Variants in CFAP61 observed in about 807,000 individuals in gnomAD.
CFAP61 encodes cilia- and flagella-associated protein 61.
In CFAP61, 107 loss-of-function variants were observed where a neutral mutation model predicts 135.6. The ratio of observed to expected loss-of-function variants is 0.79; its 90% CI spans 0.67 to 0.93. The LOEUF is 0.93. Ranked by LOEUF, CFAP61 falls within the 40% of genes least tolerant of loss-of-function variation. CFAP61 has a pLI of 0.00. For synonymous variants in CFAP61, 575 were observed against 578.5 expected, an observed-to-expected ratio of 0.99 and a Z score of 0.09; for missense variants, 1,507 against 1,556.2, an observed-to-expected ratio of 0.97 and a Z score of 0.53.
intron 25 of CFAP61, among the ~76,000 whole-genome samples, chr20:20,341,506 G>C (rs2058443748): frequency 6.6e-6 from 1 of 152,184 alleles, no homozygotes; most frequent in Admixed American, 6.5e-5. Flanking sequence ...CTTGCAATCT[G>C]TTTTTCTCAA....
At chr20:20,090,799 AAAAT>A in intron 6 of CFAP61, 41 bp from the exon 7 acceptor site, 1 of 1,607,114 alleles carries the variant, frequency 6.2e-7, no homozygotes, top group Non-Finnish European at 8.5e-7. Context: ...TTGAAGGAAA[AAAAT>A]GAGTGAACGA....
At chr20:20,053,474 G>A (rs776403792) in intron 1 of CFAP61, among the ~76,000 whole-genome samples, 25 of 152,132 alleles carry the variant, frequency 1.6e-4, no homozygotes, top group Non-Finnish European at 3.1e-4. Context: ...TTCACTCTTG[G>A]TGTACATTCT....
intron 8 of CFAP61, among the ~76,000 whole-genome samples, chr20:20,108,054 T>A (rs2048533935): frequency 6.6e-6 from 1 of 152,180 alleles, no homozygotes; most frequent in African/African-American, 2.4e-5. Context: ...TAAACTTCCC[T>A]AAAACTGAAA....
At chr20:20,178,679 C>CA (rs10854246) in intron 13 of CFAP61, among the ~76,000 whole-genome samples, 2 of 151,484 alleles carry the variant, frequency 1.3e-5, no homozygotes, top group Non-Finnish European at 2.9e-5. Flanking sequence ...AATCGATTCT[C>CA]CCCCCCACCA....
chr20:20,296,343 G>C (rs200727634), intron 24 of CFAP61, among the ~76,000 whole-genome samples: 394 of 11,660 alleles, frequency 0.034, 1 homozygote, highest in East Asian at 0.05. Flanking sequence ...TTCCTTCCTT[G>C]CTTCCTTCCT....
At chr20:20,286,131 C>T (rs942989913) in intron 22 of CFAP61, among the ~76,000 whole-genome samples, 8 of 151,780 alleles carry the variant, frequency 5.3e-5, no homozygotes, top group Admixed American at 4.6e-4. Flanking sequence ...AATAAGAATC[C>T]TCTTATATCA....
At chr20:20,061,779 C>A (rs2044817937) in intron 2 of CFAP61, among the ~76,000 whole-genome samples, 1 of 152,186 alleles carries the variant, frequency 6.6e-6, no homozygotes, top group African/African-American at 2.4e-5. Context: ...CTTTGTTGAG[C>A]CTGTGATTCC....
intron 10 of CFAP61, among the ~76,000 whole-genome samples, chr20:20,162,294 C>T (rs973462276): frequency 6.6e-6 from 1 of 152,154 alleles, no homozygotes; most frequent in Non-Finnish European, 1.5e-5. Flanking sequence ...CTGCGAAATC[C>T]CTGTGCCCTG....
chr20:20,181,177 A>ATATG (rs1555898519), intron 13 of CFAP61, among the ~76,000 whole-genome samples: 7 of 3,358 alleles, frequency 2.1e-3, no homozygotes, highest in African/African-American at 0.019. Flanking sequence ...ATATATACAC[A>ATATG]TATATATGCA....
intron 1 of CFAP61, chr20:20,056,027 T>C (rs1459359158): frequency 1.3e-6 from 2 of 1,591,474 alleles, no homozygotes; most frequent in African/African-American, 2.7e-5. Flanking sequence ...GAGATTCTCT[T>C]CCCAAAGAGT....
intron 17 of CFAP61, among the ~76,000 whole-genome samples, chr20:20,211,156 G>A (rs2047603530): frequency 6.6e-6 from 1 of 152,150 alleles, no homozygotes. Flanking sequence ...AAATCCAGAG[G>A]GAAAATGGCA....
At chr20:20,257,168 G>A (rs940970457) in intron 20 of CFAP61, among the ~76,000 whole-genome samples, 3 of 152,144 alleles carry the variant, frequency 2.0e-5, no homozygotes, top group African/African-American at 4.8e-5. Flanking sequence ...GAATTTTGAC[G>A]AAAAGTGGTG....
chr20:20,219,331 AT>A lies in CFAP61; in HGVS notation c.1933-8910del, dbSNP rs551793390. On this transcript the variant is annotated intron_variant, in intron 17 of 26. Coordinates refer to ENST00000245957, the MANE Select transcript of CFAP61 (RefSeq NM_015585.4). ...TCTAGAATATTGATTTTATCCCAAA[AT>A]TTTTTTTCCAGAGTTGCTTTTCTAG... Among the ~76,000 whole-genome samples, 279 of 152,022 alleles carry A rather than the reference AT, an allele frequency of 1.8e-3. 1 individual carries two copies. Among genetic ancestry groups the A allele is most frequent in the Middle Eastern group, 0.01 (3 of 294 alleles).
intron 26 of CFAP61, among the ~76,000 whole-genome samples, chr20:20,349,969 C>CA (rs1327860709): frequency 6.6e-6 from 1 of 152,188 alleles, no homozygotes; most frequent in Non-Finnish European, 1.5e-5. Flanking sequence ...TTGAAGAACT[C>CA]ACATTTTCTT....
intron 17 of CFAP61, among the ~76,000 whole-genome samples, chr20:20,216,993 G>A (rs531639819): frequency 1.8e-4 from 27 of 152,202 alleles, no homozygotes; most frequent in South Asian, 8.3e-4. Flanking sequence ...TCCTGTTGAC[G>A]TTTCTGCTTA....
chr20:20,334,844 C>T (rs887015891), intron 25 of CFAP61, among the ~76,000 whole-genome samples: 1 of 152,132 alleles, frequency 6.6e-6, no homozygotes, highest in Non-Finnish European at 1.5e-5. Flanking sequence ...ATATTCAGTC[C>T]GATTTCCATC....
At chr20:20,195,953 C>T (rs766583648) in intron 15 of CFAP61, among the ~76,000 whole-genome samples, 21 of 151,980 alleles carry the variant, frequency 1.4e-4, no homozygotes, top group South Asian at 4.1e-4. Context: ...TGATGGTGGG[C>T]GCCTGAAATC....
At chr20:20,181,276 TACACACACAC>T (rs74180984) in intron 13 of CFAP61, among the ~76,000 whole-genome samples, 1 of 144,544 alleles carries the variant, frequency 6.9e-6, no homozygotes, top group Non-Finnish European at 1.5e-5. Context: ...TGTGTATGTA[TACACACACAC>T]ACACACACAC....
chr20:20,311,616 G>A lies in CFAP61; in HGVS notation c.3422+13230G>A, dbSNP rs1463649393. 3.3e-5 allele frequency among the ~76,000 whole-genome samples: 5 copies of A among 151,918 alleles called. No homozygotes were observed. The East Asian group carries it at 9.7e-4, about 29-fold the overall frequency. On this transcript the variant is annotated intron_variant, in intron 25 of 26. Coordinates refer to ENST00000245957, the MANE Select transcript of CFAP61 (RefSeq NM_015585.4). ...GGCAGGTGGAGTTGTCAGGACAGAG[G>A]GAGAGGGAGCTGAGGGTCCGGGGAG...
Sources: allele counts gnomAD v4.1 joint callset (sites outside exome capture counted in the v4.1 genomes callset), GRCh38; gene constraint gnomAD v4.1.1; transcripts MANE v1.5; gene names NCBI Gene and HGNC (gene_info 2026-07-23, HGNC 2026-07-21).